The following CMTR1 variants were observed in gnomAD, a reference collection of about 807,000 sequenced individuals.
CMTR1 encodes the protein cap-specific mRNA (nucleoside-2'-O-)-methyltransferase 1.
In CMTR1, 39 loss-of-function variants were observed where a neutral mutation model predicts 107.0. The ratio of observed to expected loss-of-function variants is 0.36; its 90% confidence interval spans 0.28 to 0.48. CMTR1 has a LOEUF of 0.48. Ranked by LOEUF, CMTR1 falls within the 20% of genes least tolerant of loss-of-function variation. The probability of loss-of-function intolerance (pLI) is 0.99; values close to 1 mark genes in which losing one functional copy is unlikely to be tolerated. For missense variants in CMTR1, 672 were observed against 1,064.9 expected (o/e 0.63, Z 5.14); for synonymous variants, 366 against 379.5 (o/e 0.96, Z 0.41).
At position 37,459,681 on chromosome 6, in the gene CMTR1, TGGGGTAGGTTAC is replaced by T; in HGVS notation, c.1093_1095+9del. 4 of 1,609,554 alleles carry T rather than the reference TGGGGTAGGTTAC, an allele frequency of 2.5e-6. No individual in the cohort carries two copies. Among genetic ancestry groups the T allele is most frequent in the Non-Finnish European group, 3.4e-6 (4 of 1,175,838 alleles). ...AGGGTGTCCATTTTCTGATGGCTGATGGGGTAGGTTACCTTTTTTCCATAGACTGATGCATTA... is the reference window on the plus strand; with the variant it reads ...AGGGTGTCCATTTTCTGATGGCTGATCTTTTTTCCATAGACTGATGCATTA... On this transcript the variant is annotated splice_donor_variant and splice_donor_5th_base_variant and coding_sequence_variant and intron_variant, in exon 10 of 24. Coordinates refer to ENST00000373451, the MANE Select transcript of CMTR1 (RefSeq NM_015050.3). LOFTEE classifies it high-confidence loss of function.
At chr6:37,460,521 T>C (rs1318887681) in intron 10 of CMTR1, among the ~76,000 whole-genome samples, 1 of 149,326 alleles carries the variant, frequency 6.7e-6, no homozygotes, top group Non-Finnish European at 1.5e-5. Context: ...TGTAAAGGGG[T>C]GACCTGGGCT....
At chr6:37,435,900 T>C in intron 2 of CMTR1, 138 bp downstream of exon 2, 2 of 816,582 alleles carry the variant, frequency 2.4e-6, no homozygotes, top group Non-Finnish European at 3.6e-6. Flanking sequence ...CAGAGAGATG[T>C]TGGCTATAGA....
intron 8 of CMTR1, among the ~76,000 whole-genome samples, chr6:37,455,497 G>A (rs143030512): frequency 8.2e-4 from 125 of 152,330 alleles, no homozygotes; most frequent in African/African-American, 3.0e-3. Context: ...AGGACGGAGG[G>A]AAATTTAGAT....
chr6:37,436,793 T>C (rs922912676), intron 2 of CMTR1, among the ~76,000 whole-genome samples: 2 of 152,172 alleles, frequency 1.3e-5, no homozygotes, highest in African/African-American at 2.4e-5. Flanking sequence ...ATTTACAGGC[T>C]TTGGGGAGGA....
At chr6:37,438,816 G>A (rs551538779) in intron 2 of CMTR1, among the ~76,000 whole-genome samples, 2 of 152,114 alleles carry the variant, frequency 1.3e-5, no homozygotes, top group South Asian at 2.1e-4. Context: ...GGTGTCCCCC[G>A]GACAGTATAC....
At chr6:37,435,236 C>T (rs1422483543) in intron 1 of CMTR1, among the ~76,000 whole-genome samples, 1 of 152,116 alleles carries the variant, frequency 6.6e-6, no homozygotes, top group African/African-American at 2.4e-5. Context: ...AATATTTATT[C>T]GGTTTTATAG....
chr6:37,452,510 G>A (rs1414656223), intron 6 of CMTR1, among the ~76,000 whole-genome samples: 3 of 152,188 alleles, frequency 2.0e-5, no homozygotes, highest in Non-Finnish European at 4.4e-5. Context: ...CAGGCATAGG[G>A]TTGGGAATAT....
At chr6:37,430,954 A>G (rs1276282155), upstream of CMTR1, among the ~76,000 whole-genome samples, 4 of 145,288 alleles carry the variant, frequency 2.8e-5, no homozygotes, top group Non-Finnish European at 6.0e-5. Flanking sequence ...TGGTGCTTGC[A>G]GTGAGCGGAG....
intron 13 of CMTR1, among the ~76,000 whole-genome samples, chr6:37,463,709 T>C (rs1003394955): frequency 1.3e-5 from 2 of 152,120 alleles, no homozygotes; most frequent in African/African-American, 4.8e-5. Context: ...CCAGAGAAGT[T>C]TGAAGATAGA....
chr6:37,470,686 A>C (rs779515454), intron 13 of CMTR1, among the ~76,000 whole-genome samples: 3 of 152,224 alleles, frequency 2.0e-5, no homozygotes, highest in Non-Finnish European at 4.4e-5. Flanking sequence ...GTTAGTATAC[A>C]TAGGTCGAGT....
At chr6:37,453,613 T>C (rs539834049) in intron 8 of CMTR1, among the ~76,000 whole-genome samples, 10 of 138,946 alleles carry the variant, frequency 7.2e-5, no homozygotes, top group Admixed American at 7.4e-5. Context: ...TGACATCACC[T>C]GATTTGGGTG....
intron 5 of CMTR1, among the ~76,000 whole-genome samples, chr6:37,450,978 G>GCTT (rs1477791522): frequency 2.6e-5 from 4 of 152,082 alleles, no homozygotes; most frequent in African/African-American, 9.7e-5. Flanking sequence ...AAGCAAAGAG[G>GCTT]AAAATCTGGC....
intron 4 of CMTR1, among the ~76,000 whole-genome samples, chr6:37,446,679 G>A (rs1243207830): frequency 6.6e-6 from 1 of 152,216 alleles, no homozygotes; most frequent in African/African-American, 2.4e-5. Flanking sequence ...AAGACCAACG[G>A]GTAGAAGATG....
chr6:37,446,907 G>T (rs531880129), intron 4 of CMTR1, among the ~76,000 whole-genome samples: 30 of 152,144 alleles, frequency 2.0e-4, no homozygotes, highest in Non-Finnish European at 3.7e-4. Flanking sequence ...GTTCTAAATA[G>T]GTGCTTTTTT....
intron 4 of CMTR1, among the ~76,000 whole-genome samples, chr6:37,447,484 T>C (rs1196411753): frequency 6.6e-6 from 1 of 152,224 alleles, no homozygotes; most frequent in East Asian, 1.9e-4. Context: ...ATGGTTTCTA[T>C]GTCTTCATTC....
chr6:37,424,436 G>C, the CMTR1 span, among the ~76,000 whole-genome samples: 1 of 150,924 alleles, frequency 6.6e-6, no homozygotes, highest in Admixed American at 6.6e-5. Flanking sequence ...TTTTAGTAGA[G>C]ACGGGTTTCG....
chr6:37,474,644 G>A lies in CMTR1; in HGVS notation c.1942G>A (p.Glu648Lys). 1 of 1,613,698 alleles carries A rather than the reference G, an allele frequency of 6.2e-7. No individual in the cohort carries two copies. Residue 648 changes from glutamate to lysine, a missense_variant and splice_region_variant, in exon 18 of 24, where the codon GAG becomes AAG. Around this residue, in one of 2 missense-constraint regions of CMTR1, gnomAD observed 583 missense variants for 968.4 expected, o/e 0.60. Coordinates refer to ENST00000373451, the MANE Select transcript of CMTR1 (RefSeq NM_015050.3). ...GGAAATTGTGCATGAGCTGAAAGGG[G>A]AGGTCAGAGATGGTTCTGCTCAGGT... ...SVEIVHELKG[E>K]GKAQRKISAI... is the part of the protein sequence containing the mutation.
intron 5 of CMTR1, among the ~76,000 whole-genome samples, chr6:37,450,650 A>G (rs1199054454): frequency 6.6e-6 from 1 of 152,164 alleles, no homozygotes; most frequent in Admixed American, 6.5e-5. Context: ...TATTCTGATC[A>G]CTGCTAGATG....
chr6:37,453,166 C>T (rs1334962648), intron 7 of CMTR1, 25 bp downstream of exon 7: 1 of 1,612,012 alleles, frequency 6.2e-7, no homozygotes, highest in Non-Finnish European at 8.5e-7. Flanking sequence ...CCCTCCCCTC[C>T]CCTGATGCTC....
Sources: gnomAD v4.1 joint callset for allele counts (sites outside exome capture counted in the v4.1 genomes callset) on GRCh38, gnomAD v4.1.1 for gene constraint, gnomAD v4.1.1 regional missense constraint, MANE v1.5 for transcripts, NCBI Gene and HGNC (gene_info 2026-07-23, HGNC 2026-07-21) for gene names.